Variants in TAFA1 observed in about 807,000 individuals in gnomAD.
TAFA1 encodes the protein TAFA chemokine like family member 1.
Under a neutral mutation model 18.5 loss-of-function variants are expected in TAFA1, and 4 were observed. That is an observed-to-expected ratio of 0.22 (90% CI 0.11 to 0.49). The LOEUF is 0.49. Among genes scored for constraint, TAFA1 ranks in the 20% least tolerant of loss-of-function variants. The pLI, the probability that TAFA1 is intolerant of heterozygous loss-of-function variation, is 0.98. For synonymous variants in TAFA1, 56 were observed against 55.2 expected, an observed-to-expected ratio of 1.01 and a Z score of -0.06; for missense variants, 147 against 169.0, an observed-to-expected ratio of 0.87 and a Z score of 0.72.
At chr3:68,495,633 C>T (rs1416100825) in intron 3 of TAFA1, among the ~76,000 whole-genome samples, 1 of 151,998 alleles carries the variant, frequency 6.6e-6, no homozygotes, top group African/African-American at 2.4e-5. Flanking sequence ...TTATTGCTTC[C>T]ACCGAGTTTT....
intron 2 of TAFA1, among the ~76,000 whole-genome samples, chr3:68,045,623 G>A (rs1295500436): frequency 6.6e-6 from 1 of 152,078 alleles, no homozygotes; most frequent in African/African-American, 2.4e-5. Flanking sequence ...TTGAGTCCTA[G>A]TATGGAGCGA....
chr3:68,171,064 T>G (rs2066047301), intron 2 of TAFA1, among the ~76,000 whole-genome samples: 1 of 152,212 alleles, frequency 6.6e-6, no homozygotes. Flanking sequence ...TGTAAATTTT[T>G]GTTACACGTT....
intron 2 of TAFA1, among the ~76,000 whole-genome samples, chr3:68,151,772 C>T (rs564793389): frequency 2.0e-5 from 3 of 152,244 alleles, no homozygotes; most frequent in East Asian, 3.9e-4. Flanking sequence ...ATTAAGTTTC[C>T]ATCACATGAA....
intron 2 of TAFA1, among the ~76,000 whole-genome samples, chr3:68,042,685 A>T (rs922862403): frequency 1.3e-5 from 2 of 152,150 alleles, no homozygotes; most frequent in African/African-American, 4.8e-5. Flanking sequence ...ATTATATTTA[A>T]ATAGAGCACC....
chr3:68,440,642 C>T (rs1424589023), intron 3 of TAFA1, among the ~76,000 whole-genome samples: 2 of 152,066 alleles, frequency 1.3e-5, no homozygotes, highest in Non-Finnish European at 2.9e-5. Flanking sequence ...GTAGAGTGAC[C>T]CAAACCTTCA....
intron 2 of TAFA1, among the ~76,000 whole-genome samples, chr3:68,200,514 A>G (rs962944283): frequency 1.1e-4 from 16 of 151,592 alleles, no homozygotes; most frequent in African/African-American, 3.4e-4. Context: ...GCTTTAATAG[A>G]TATCGGCCTA....
intron 2 of TAFA1, among the ~76,000 whole-genome samples, chr3:68,068,370 A>G (rs1000023653): frequency 6.6e-6 from 1 of 152,170 alleles, no homozygotes; most frequent in African/African-American, 2.4e-5. Context: ...CCAGAATAAG[A>G]TACTTATTTC....
At chr3:68,477,395 A>G (rs1406015509) in intron 3 of TAFA1, among the ~76,000 whole-genome samples, 2 of 152,082 alleles carry the variant, frequency 1.3e-5, no homozygotes. Flanking sequence ...CTTTTTTGAG[A>G]TGGAGTTTTG....
intron 2 of TAFA1, among the ~76,000 whole-genome samples, chr3:68,313,371 G>A (rs780808574): frequency 6.6e-6 from 1 of 151,960 alleles, no homozygotes; most frequent in African/African-American, 2.4e-5. Flanking sequence ...ATGCTAGATA[G>A]GTGCAGTCTT....
chr3:68,525,746 T>C (rs1479816172), intron 3 of TAFA1, among the ~76,000 whole-genome samples: 1 of 152,324 alleles, frequency 6.6e-6, no homozygotes, highest in East Asian at 1.9e-4. Flanking sequence ...CATGAGAGTC[T>C]AGTTATGTTT....
intron 2 of TAFA1, among the ~76,000 whole-genome samples, chr3:68,386,771 G>C (rs1193692145): frequency 1.3e-5 from 2 of 152,124 alleles, no homozygotes; most frequent in Non-Finnish European, 2.9e-5. Context: ...TTATAGAAAC[G>C]TGTGTAGCTG....
At chr3:68,406,601 G>C (rs1490337936) in intron 2 of TAFA1, among the ~76,000 whole-genome samples, 2 of 152,180 alleles carry the variant, frequency 1.3e-5, no homozygotes, top group African/African-American at 2.4e-5. Context: ...TCATTTCTGA[G>C]ATTGCATTAA....
At chr3:68,103,179 C>A (rs1275284067) in intron 2 of TAFA1, among the ~76,000 whole-genome samples, 1 of 152,142 alleles carries the variant, frequency 6.6e-6, no homozygotes, top group East Asian at 1.9e-4. Context: ...GAAGTGGGTT[C>A]AGAAGTTTCA....
intron 2 of TAFA1, among the ~76,000 whole-genome samples, chr3:68,053,744 C>T (rs1288340675): frequency 6.6e-6 from 1 of 152,118 alleles, no homozygotes; most frequent in East Asian, 1.9e-4. Context: ...CGCTCTGTCA[C>T]CTAGGCTGAA....
rs1267800476 is a variant in TAFA1 at position 68,362,424 on chromosome 3, A to G, written c.119-54856A>G. ...CACGGACTGAAGACGGAGAAATGGT[A>G]TCTTAGATTCAGGAAACAGCACAGG... On this transcript the variant is annotated intron_variant, in intron 2 of 4. Coordinates refer to ENST00000478136, the MANE Select transcript of TAFA1 (RefSeq NM_213609.4). 2.0e-5 allele frequency among the ~76,000 whole-genome samples: 3 copies of G among 152,272 alleles called. No individual in the cohort carries two copies. In the East Asian group the frequency reaches 5.8e-4, roughly 29 times the overall value.
intron 2 of TAFA1, among the ~76,000 whole-genome samples, chr3:68,338,667 T>C (rs1309666065): frequency 6.6e-6 from 1 of 152,208 alleles, no homozygotes; most frequent in African/African-American, 2.4e-5. Context: ...CTTTGCTTTC[T>C]TATTCCAAAC....
chr3:68,278,717 C>T (rs2067840765), intron 2 of TAFA1, among the ~76,000 whole-genome samples: 1 of 152,114 alleles, frequency 6.6e-6, no homozygotes. Flanking sequence ...GGTTCTCAAA[C>T]TTCAGCATAC....
chr3:68,071,075 C>T (rs1017733295), intron 2 of TAFA1, among the ~76,000 whole-genome samples: 7 of 152,212 alleles, frequency 4.6e-5, no homozygotes, highest in Non-Finnish European at 7.3e-5. Flanking sequence ...TTTCAGCAGT[C>T]CCCCATTCTC....
chr3:68,427,832 T>A (rs1027622430), intron 3 of TAFA1, among the ~76,000 whole-genome samples: 10 of 151,934 alleles, frequency 6.6e-5, no homozygotes, highest in African/African-American at 2.4e-4. Context: ...GTTCTTGTGA[T>A]AGTGAATAAG....
Sources: gnomAD v4.1 joint callset for allele counts (sites outside exome capture counted in the v4.1 genomes callset) on GRCh38, gnomAD v4.1.1 for gene constraint, MANE v1.5 for transcripts, NCBI Gene and HGNC (gene_info 2026-07-23, HGNC 2026-07-21) for gene names.